Variants in MAD1L1 observed in about 807,000 individuals in gnomAD.
MAD1L1 encodes mitotic arrest deficient 1 like 1.
MAD1L1 carries 95 observed loss-of-function variants against 96.9 expected under a neutral mutation model. The ratio of observed to expected loss-of-function variants is 0.98; its 90% CI spans 0.83 to 1.16. The LOEUF (loss-of-function observed/expected upper bound fraction) is 1.16. Among genes scored for constraint, MAD1L1 ranks in the 50% most tolerant of loss-of-function variants. MAD1L1 has a pLI of 0.00. For synonymous variants in MAD1L1, 473 were observed against 396.6 expected (o/e 1.19, Z -2.29); for missense variants, 1,007 against 954.4 (o/e 1.06, Z -0.73).
rs147735969 is a variant in MAD1L1 at position 2,083,725 on chromosome 7, T to C, written c.1074-14387A>G. 1.7e-3 allele frequency among the ~76,000 whole-genome samples: 252 copies of C among 152,356 alleles called. 2 individuals are homozygous for C. The highest frequency in any genetic ancestry group is 5.7e-3 in the African/African-American group (239 of 41,590). ...CGCCACTGACCTGCAGCAGGCTGTG[T>C]ACCAAGAAGACCAACATTTCCTCCT... On this transcript the variant is annotated intron_variant, in intron 11 of 18. Transcript: ENST00000265854.
chr7:1,886,052 G>A (rs979570501), intron 18 of MAD1L1, among the ~76,000 whole-genome samples: 4 of 152,176 alleles, frequency 2.6e-5, no homozygotes, highest in African/African-American at 9.6e-5. Context: ...GCCCTCGTCC[G>A]CGTATCAGGG....
intron 10 of MAD1L1, among the ~76,000 whole-genome samples, chr7:2,206,226 T>G (rs1490430497): frequency 2.0e-5 from 3 of 152,268 alleles, no homozygotes; most frequent in South Asian, 2.1e-4. Context: ...GTTCCTTCTC[T>G]ATCCTGGAGC....
intron 12 of MAD1L1, among the ~76,000 whole-genome samples, chr7:2,066,759 C>T (rs564147247): frequency 6.6e-6 from 1 of 152,340 alleles, no homozygotes; most frequent in Admixed American, 6.5e-5. Context: ...CTGCATGTAA[C>T]TCCTCATCAC....
intron 10 of MAD1L1, among the ~76,000 whole-genome samples, chr7:2,198,788 T>C (rs1035084400): frequency 2.0e-5 from 3 of 152,154 alleles, no homozygotes; most frequent in Non-Finnish European, 4.4e-5. Flanking sequence ...CAGGTGCCCA[T>C]GTACAGTCCA....
intron 15 of MAD1L1, among the ~76,000 whole-genome samples, chr7:1,962,229 A>G (rs1295209444): frequency 6.6e-6 from 1 of 152,258 alleles, no homozygotes; most frequent in East Asian, 1.9e-4. Flanking sequence ...ATCTGATTTT[A>G]TAAGGGGTTT....
intron 10 of MAD1L1, among the ~76,000 whole-genome samples, chr7:2,188,733 G>A (rs962456244): frequency 4.0e-5 from 6 of 151,522 alleles, no homozygotes; most frequent in African/African-American, 1.5e-4. Context: ...AAAACTCTTA[G>A]AAAAAAACAG....
intron 14 of MAD1L1, among the ~76,000 whole-genome samples, chr7:1,988,308 G>A (rs377456060): frequency 1.3e-5 from 2 of 152,172 alleles, no homozygotes; most frequent in Non-Finnish European, 2.9e-5. Flanking sequence ...ATCAGGCAGC[G>A]CACACAGCAG....
intron 11 of MAD1L1, among the ~76,000 whole-genome samples, chr7:2,101,606 G>C (rs1302949203): frequency 1.3e-5 from 2 of 152,094 alleles, no homozygotes; most frequent in Admixed American, 6.5e-5. Flanking sequence ...TGCCTGGCGT[G>C]AGACTGGGGC....
At chr7:2,211,507 C>T (rs1420331178) in intron 10 of MAD1L1, among the ~76,000 whole-genome samples, 2 of 152,218 alleles carry the variant, frequency 1.3e-5, no homozygotes, top group Non-Finnish European at 2.9e-5. Flanking sequence ...CCATCAGGCA[C>T]GTGGGGGCCT....
chr7:2,230,289 T>C, intron 2 of MAD1L1, 146 bp from the exon 3 acceptor site: 1 of 566,366 alleles, frequency 1.8e-6, no homozygotes, highest in East Asian at 2.9e-5. Context: ...CATTCTTCAA[T>C]GGCAACTGGG....
At chr7:2,214,465 CAG>C (rs1053128065) in intron 9 of MAD1L1, among the ~76,000 whole-genome samples, 1 of 152,166 alleles carries the variant, frequency 6.6e-6, no homozygotes, top group Non-Finnish European at 1.5e-5. Context: ...CTGAAGAGGA[CAG>C]AGACGCCACG....
intron 11 of MAD1L1, among the ~76,000 whole-genome samples, chr7:2,069,955 T>C (rs1208323095): frequency 1.3e-5 from 2 of 152,258 alleles, no homozygotes; most frequent in Admixed American, 6.5e-5. Flanking sequence ...CCTCAGTCCC[T>C]GTGCTCGTTG....
intron 12 of MAD1L1, among the ~76,000 whole-genome samples, chr7:2,030,289 A>G (rs1406412568): frequency 1.3e-5 from 2 of 152,232 alleles, no homozygotes; most frequent in Admixed American, 1.3e-4. Context: ...AAGTTTTCAG[A>G]GTCATCCAAA....
rs186820419 is a variant in MAD1L1, at chr7:1,836,558, G to A, written c.1999-20330C>T. Among the ~76,000 whole-genome samples, 343 of 152,198 alleles carry A rather than the reference G, an allele frequency of 2.3e-3. 2 individuals carry two copies. Among genetic ancestry groups the A allele is most frequent in the African/African-American group, 7.3e-3 (305 of 41,512 alleles). On this transcript the variant is annotated intron_variant, in intron 18 of 18. Transcript: ENST00000265854. ...TCTGGTTCAAATGCCTCTGATACCC[G>A]CACACTGAAAATGAGAACACATTGC...
chr7:1,912,443 G>A (rs561846182), intron 17 of MAD1L1, among the ~76,000 whole-genome samples: 9 of 152,228 alleles, frequency 5.9e-5, no homozygotes, highest in Non-Finnish European at 1.5e-5. Context: ...ATAAGAATGG[G>A]TGGCCACTGC....
intron 18 of MAD1L1, among the ~76,000 whole-genome samples, chr7:1,877,266 T>C (rs955167798): frequency 7.2e-5 from 11 of 152,176 alleles, no homozygotes; most frequent in Non-Finnish European, 1.6e-4. Context: ...GAGCTCATTA[T>C]GTAACAGTTC....
chr7:1,994,142 G>A (rs1262360623), intron 14 of MAD1L1, among the ~76,000 whole-genome samples: 3 of 152,236 alleles, frequency 2.0e-5, no homozygotes, highest in African/African-American at 4.8e-5. Flanking sequence ...AGGATCACAG[G>A]GGGATAATCT....
chr7:1,957,977 C>T lies in MAD1L1; in HGVS notation c.1506-258G>A, dbSNP rs892285633. ...CTGTGCGGAGAAAGTCTCTGTCGAC[C>T]ACACCTTGGCTGGAAGCACAGAGGG... On this transcript the variant is annotated intron_variant, in intron 15 of 18. Transcript: ENST00000265854. Among the ~76,000 whole-genome samples, 4 of 152,224 alleles carry T rather than the reference C, an allele frequency of 2.6e-5. No individual in the cohort carries two copies. In the South Asian group the frequency reaches 8.3e-4, roughly 32 times the overall value.
rs1276910117 is a variant in MAD1L1 at position 1,968,572 on chromosome 7, C to G, written c.1506-10853G>C. The stretch of plus-strand genomic sequence containing the variant: ...ACCATCAACGCCTCAGTCCAGCGGT[C>G]AGGTCCACTGTCCACGCCTCAGTCC... On this transcript the variant is annotated intron_variant, in intron 15 of 18. Coordinates refer to ENST00000265854, the MANE Select transcript of MAD1L1 (RefSeq NM_001013836.2). The surrounding 1 kb of genome is among the most constrained non-coding windows in gnomAD (Gnocchi z 5.6). Among the ~76,000 whole-genome samples, 1 of 151,970 alleles carries G rather than the reference C, an allele frequency of 6.6e-6. No individual in the cohort carries two copies. The highest frequency in any genetic ancestry group is 6.5e-5 in the Admixed American group (1 of 15,268).
Sources: allele counts gnomAD v4.1 joint callset (sites outside exome capture counted in the v4.1 genomes callset), GRCh38; gene constraint gnomAD v4.1.1; non-coding constraint Gnocchi (gnomAD v3.1); transcripts MANE v1.5; gene names NCBI Gene and HGNC (gene_info 2026-07-23, HGNC 2026-07-21).